NCOA2: variants seen among roughly 807,000 people sequenced by gnomAD.
NCOA2 encodes the protein nuclear receptor coactivator 2.
In NCOA2, 21 loss-of-function variants were observed where a neutral mutation model predicts 145.1. That is an observed-to-expected ratio of 0.14 (90% CI 0.10 to 0.21). The LOEUF (loss-of-function observed/expected upper bound fraction) is 0.21, where lower values mean the gene tolerates loss of function less well. Among genes scored for constraint, NCOA2 ranks in the 10% least tolerant of loss-of-function variants. The pLI is 1.00. For synonymous variants in NCOA2, 619 were observed against 637.5 expected (o/e 0.97, Z 0.44); for missense variants, 1,472 against 1,837.6 (o/e 0.80, Z 3.64).
chr8:70,359,715 A>T (rs1810042200), intron 1 of NCOA2, among the ~76,000 whole-genome samples: 2 of 152,178 alleles, frequency 1.3e-5, no homozygotes. Context: ...AGTCTATATT[A>T]TTAACTCAAC....
intron 2 of NCOA2, among the ~76,000 whole-genome samples, chr8:70,279,071 G>A (rs754883530): frequency 1.3e-5 from 2 of 151,932 alleles, no homozygotes; most frequent in Non-Finnish European, 2.9e-5. Context: ...CAAGCAAAAG[G>A]CCCTTGGATG....
chr8:70,275,386 A>C (rs752836330), intron 2 of NCOA2, among the ~76,000 whole-genome samples: 56 of 152,286 alleles, frequency 3.7e-4, no homozygotes, highest in Middle Eastern at 3.4e-3. Flanking sequence ...TATTCTTAAA[A>C]ATACTATATA....
Position 70,121,350 on chromosome 8 carries a change from G to C in NCOA2, c.4335C>G (p.Asn1445Lys). The C allele has an allele frequency of 1.9e-6, 3 of 1,613,116 alleles. No homozygotes were observed. The highest frequency in any genetic ancestry group is 2.5e-6 in the Non-Finnish European group (3 of 1,179,536). The change falls in exon 22 of 23, where the codon AAC (asparagine) becomes AAG (lysine). Residue 1445 changes from asparagine (N) to lysine (K), a missense_variant. Around this residue, in one of 4 missense-constraint regions of NCOA2, gnomAD observed 232 missense variants for 290.6 expected, o/e 0.80. Coordinates refer to ENST00000452400, the MANE Select transcript of NCOA2 (RefSeq NM_006540.4). ...TAATCATATCCATTCCAGGCAGCTG[G>C]TTTGGGAACAGGTTGCCTCCCCTCA... ...PALRGGNLFP[N>K]QLPGMDMIKQ...
At chr8:70,271,440 C>T (rs1217522754) in intron 2 of NCOA2, among the ~76,000 whole-genome samples, 1 of 152,132 alleles carries the variant, frequency 6.6e-6, no homozygotes, top group East Asian at 1.9e-4. Context: ...CTTTTGTAAT[C>T]TCTAATGGGA....
Position 70,126,763 on chromosome 8 carries a change from C to A in NCOA2, c.3916+50G>T, listed in dbSNP as rs1172243305. The A allele has an allele frequency of 3.4e-6, 5 of 1,470,860 alleles. No individual in the cohort carries two copies. The East Asian group carries it at 1.1e-4, about 34-fold the overall frequency. 91.1% of individuals were successfully genotyped at this position (1,470,860 alleles called of 1,614,324 possible). A position where few individuals can be genotyped will look rare whatever the true frequency, so the allele number is the denominator to read the frequency against. On this transcript the variant is annotated intron_variant, in intron 19 of 22. Transcript: ENST00000452400. ...GGAGCTGTGACCCAACACTGGGGGA[C>A]ACTGGGGAGAAAGGACTGGTGAAAG...
chr8:70,262,923 T>C (rs1277927308), intron 2 of NCOA2, among the ~76,000 whole-genome samples: 1 of 151,996 alleles, frequency 6.6e-6, no homozygotes, highest in Non-Finnish European at 1.5e-5. Context: ...TTAACAACAA[T>C]AGTTAATAAT....
the NCOA2 span, among the ~76,000 whole-genome samples, chr8:70,437,314 T>C: frequency 1.3e-5 from 2 of 152,320 alleles, no homozygotes; most frequent in African/African-American, 2.4e-5. Flanking sequence ...TTGATTGAAG[T>C]CTGTGTGCCC....
intron 1 of NCOA2, among the ~76,000 whole-genome samples, chr8:70,386,270 A>C (rs1812655888): frequency 6.6e-6 from 1 of 152,246 alleles, no homozygotes; most frequent in Non-Finnish European, 1.5e-5. Context: ...CACTTTGATA[A>C]GCAAAGTAGA....
chr8:70,138,049 G>C, intron 15 of NCOA2, 154 bp downstream of exon 15: 1 of 696,976 alleles, frequency 1.4e-6, no homozygotes, highest in South Asian at 2.7e-5. Flanking sequence ...AGGTCATACT[G>C]ATTTCTGGAT....
At chr8:70,360,361 C>T (rs537614143) in intron 1 of NCOA2, among the ~76,000 whole-genome samples, 4 of 152,250 alleles carry the variant, frequency 2.6e-5, no homozygotes, top group Admixed American at 1.3e-4. Flanking sequence ...CATCACCTTT[C>T]AAGTTAGTGA....
rs756227229 is a variant in NCOA2, at chr8:70,123,989, G to A, written c.4188C>T (p.Thr1396=). Residue 1396 remains threonine, a synonymous_variant, in exon 21 of 23, where the codon ACC becomes ACT. Transcript: ENST00000452400. The stretch of plus-strand genomic sequence containing the variant: ...TCATGCTGCTCATGCCACCTGTGTT[G>A]GTCGCCATGGACACATTGATGTTCA... The part of the protein sequence containing the change: ...NNMNINVSMA[T]NTGGMSSMNQ... The A allele has an allele frequency of 7.4e-6, 12 of 1,613,974 alleles. No homozygotes were observed. The highest frequency in any genetic ancestry group is 1.0e-5 in the Non-Finnish European group (12 of 1,179,886).
At chr8:70,141,456 G>A in intron 13 of NCOA2, 57 bp from the exon 14 acceptor site, 1 of 1,425,520 alleles carries the variant, frequency 7.0e-7, no homozygotes, top group Admixed American at 1.9e-5. Flanking sequence ...TATTTAGCAT[G>A]TATGAACACC....
At chr8:70,267,410 TTTCC>T (rs1824699526) in intron 2 of NCOA2, among the ~76,000 whole-genome samples, 2 of 148,464 alleles carry the variant, frequency 1.3e-5, no homozygotes, top group African/African-American at 2.5e-5. Flanking sequence ...TTTTTTTTTT[TTTCC>T]TTTGAGATAG....
chr8:70,389,455 T>A (rs934109519), intron 1 of NCOA2, among the ~76,000 whole-genome samples: 1 of 151,516 alleles, frequency 6.6e-6, no homozygotes, highest in Admixed American at 6.6e-5. Context: ...TAATTTTGAA[T>A]CTTTAGTAGA....
intron 4 of NCOA2, among the ~76,000 whole-genome samples, chr8:70,212,089 A>G (rs867734801): frequency 1.2e-5 from 1 of 84,714 alleles, no homozygotes; most frequent in Non-Finnish European, 2.8e-5. Context: ...ATATATATAT[A>G]TATATATATA....
At chr8:70,397,378 G>A (rs868582457) in intron 1 of NCOA2, among the ~76,000 whole-genome samples, 4 of 151,556 alleles carry the variant, frequency 2.6e-5, no homozygotes, top group African/African-American at 7.3e-5. Context: ...GCTTGAACCC[G>A]GGAGGCAGAG....
chr8:70,402,400 G>A (rs1439170411), intron 1 of NCOA2: 1 of 152,482 alleles, frequency 6.6e-6, no homozygotes, highest in Non-Finnish European at 1.5e-5. Context: ...CCAGCGGAAG[G>A]GGGCTCCAGT....
At position 70,325,419 on chromosome 8, in the gene NCOA2, G is replaced by T. The variant is rs551322516; in HGVS notation, c.-76-28619C>A. ...ACTCATTCTACTAATTTAATAAATA[G>T]AAAGTAGAACATAACATCTTTTTTT... On this transcript the variant is annotated intron_variant, in intron 1 of 22. Coordinates refer to ENST00000452400, the MANE Select transcript of NCOA2 (RefSeq NM_006540.4). 3.3e-4 allele frequency among the ~76,000 whole-genome samples: 50 copies of T among 152,008 alleles called. 1 individual carries two copies. The highest frequency in any genetic ancestry group is 1.2e-3 in the African/African-American group (48 of 41,458).
chr8:70,207,080 T>A (rs1204842567), intron 4 of NCOA2, among the ~76,000 whole-genome samples: 1 of 152,186 alleles, frequency 6.6e-6, no homozygotes, highest in Non-Finnish European at 1.5e-5. Context: ...GATTGCTGGA[T>A]TTCCCCTGGC....
Sources: allele counts gnomAD v4.1 joint callset (sites outside exome capture counted in the v4.1 genomes callset), GRCh38; gene constraint gnomAD v4.1.1; regional missense constraint gnomAD v4.1.1; transcripts MANE v1.5; gene names NCBI Gene and HGNC (gene_info 2026-07-23, HGNC 2026-07-21).